Variants in LRGUK observed in about 807,000 individuals in gnomAD.
LRGUK encodes the protein leucine-rich repeat and guanylate kinase domain-containing protein.
Under a neutral mutation model 76.0 loss-of-function variants are expected in LRGUK, and 65 were observed. That is an observed-to-expected ratio of 0.85 (90% confidence interval 0.70 to 1.05). The LOEUF is 1.05. Among genes scored for constraint, LRGUK ranks in the 50% least tolerant of loss-of-function variants. The probability of loss-of-function intolerance (pLI) is 0.00; values close to 1 mark genes in which losing one functional copy is unlikely to be tolerated. For missense variants in LRGUK, 758 were observed against 732.8 expected, an observed-to-expected ratio of 1.03 and a Z score of -0.40; for synonymous variants, 268 against 265.6, an observed-to-expected ratio of 1.01 and a Z score of -0.09.
intron 5 of LRGUK, among the ~76,000 whole-genome samples, chr7:134,148,949 T>C (rs1798091743): frequency 6.6e-6 from 1 of 152,084 alleles, no homozygotes; most frequent in Non-Finnish European, 1.5e-5. Context: ...TCTTCAAATT[T>C]GCTGAAACTT....
At chr7:134,189,574 G>A (rs1315588519) in intron 11 of LRGUK, among the ~76,000 whole-genome samples, 1 of 152,136 alleles carries the variant, frequency 6.6e-6, no homozygotes, top group African/African-American at 2.4e-5. Flanking sequence ...GCTTCAAATT[G>A]CTCCTTTGTT....
chr7:134,161,387 T>A (rs1798724659), intron 6 of LRGUK, among the ~76,000 whole-genome samples: 1 of 152,102 alleles, frequency 6.6e-6, no homozygotes, highest in South Asian at 2.1e-4. Context: ...GAAATTTGAC[T>A]TTACTTTGGC....
chr7:134,266,107 C>T (rs1449908276), downstream of LRGUK, among the ~76,000 whole-genome samples: 3 of 152,026 alleles, frequency 2.0e-5, no homozygotes, highest in African/African-American at 7.2e-5. Flanking sequence ...ATCTGCCGGT[C>T]ATGAGTCAGT....
intron 5 of LRGUK, among the ~76,000 whole-genome samples, chr7:134,155,881 G>A (rs1333403986): frequency 6.6e-6 from 1 of 152,090 alleles, no homozygotes; most frequent in Non-Finnish European, 1.5e-5. Context: ...CTTCCTTCTT[G>A]CTTAAAAAAA....
chr7:134,187,612 T>A (rs184539800), intron 11 of LRGUK, among the ~76,000 whole-genome samples: 1 of 152,220 alleles, frequency 6.6e-6, no homozygotes, highest in Non-Finnish European at 1.5e-5. Context: ...TTTAGAAATA[T>A]GTTGAATGTT....
chr7:134,213,102 G>T (rs1354105935), downstream of LRGUK, among the ~76,000 whole-genome samples: 1 of 152,204 alleles, frequency 6.6e-6, no homozygotes, highest in African/African-American at 2.4e-5. Context: ...CCTAAGCAGA[G>T]GCACGCGCAG....
intron 3 of LRGUK, among the ~76,000 whole-genome samples, chr7:134,142,842 T>C (rs1797823218): frequency 6.6e-6 from 1 of 152,226 alleles, no homozygotes; most frequent in Non-Finnish European, 1.5e-5. Flanking sequence ...TGGCCACCCC[T>C]GGGGAAGAGG....
At chr7:134,247,775 A>C (rs1802344785) in intron 17 of LRGUK, 131 bp downstream of exon 17, 1 of 568,188 alleles carries the variant, frequency 1.8e-6, no homozygotes, top group Non-Finnish European at 3.0e-6. Flanking sequence ...CAGTAAAAGC[A>C]GTTCTAGAAG....
chr7:134,172,667 A>G (rs917579863), intron 7 of LRGUK, among the ~76,000 whole-genome samples: 5 of 152,178 alleles, frequency 3.3e-5, no homozygotes, highest in African/African-American at 1.2e-4. Flanking sequence ...TCCTCTTAAC[A>G]TTAGTGTTAG....
At chr7:134,181,680 A>T (rs993747122) in intron 10 of LRGUK, among the ~76,000 whole-genome samples, 2 of 152,030 alleles carry the variant, frequency 1.3e-5, no homozygotes, top group African/African-American at 2.4e-5. Flanking sequence ...TTTTGAAAAA[A>T]TATATTTTGA....
intron 5 of LRGUK, among the ~76,000 whole-genome samples, chr7:134,150,313 T>C (rs1242934403): frequency 6.7e-6 from 1 of 149,490 alleles, no homozygotes; most frequent in African/African-American, 2.5e-5. Context: ...AAAAAAAAAA[T>C]TAGCTGGGCC....
intron 10 of LRGUK, among the ~76,000 whole-genome samples, chr7:134,182,190 T>G (rs1799785235): frequency 6.6e-6 from 1 of 152,238 alleles, no homozygotes. Flanking sequence ...TAGTTCATTC[T>G]TTCTTATTGC....
exon 9 of LRGUK, chr7:134,177,027 A>G (rs1390794973): frequency 6.2e-7 from 1 of 1,602,708 alleles, no homozygotes; most frequent in Admixed American, 1.7e-5. Context: ...TGCGATTAAC[A>G]GAATTAGATC....
rs140329735 is a variant in LRGUK at position 134,183,765 on chromosome 7, A to G, written c.1246A>G (p.Met416Val). 102 of 1,613,954 alleles carry G rather than the reference A, an allele frequency of 6.3e-5. 1 individual carries two copies. The highest frequency in any genetic ancestry group is 8.4e-5 in the Non-Finnish European group (99 of 1,179,932). Residue 416 changes from methionine to valine, a missense_variant, in exon 11 of 16, where the codon ATG becomes GTG. Coordinates refer to ENST00000645682, the Ensembl canonical transcript of LRGUK. ...TCCCAGCCTGGATGCCCCTTATCCC[A>G]TGCTGATACTAGCTGGTCCTGAAGC...
exon 16 of LRGUK, chr7:134,209,900 C>T: frequency 2.5e-6 from 1 of 399,304 alleles, no homozygotes; most frequent in Non-Finnish European, 4.4e-6. Flanking sequence ...GAAAGTGAGG[C>T]TCCCTCGCAT....
chr7:134,225,039 T>G (rs1585578106), intron 16 of LRGUK, among the ~76,000 whole-genome samples: 2 of 131,198 alleles, frequency 1.5e-5, no homozygotes, highest in Admixed American at 9.0e-5. Context: ...GCAACAAGAG[T>G]GAAACTCCAT....
At position 134,258,329 on chromosome 7, in the gene LRGUK, C is replaced by T. The variant is rs747381921; in HGVS notation, c.2271C>T (p.Phe757=). ...GTCCGTGGTCAAAAGAATTGCCTTT[C>T]CAGCCTCCGGAGGGGAGCATTTCTT... Residue 757 remains phenylalanine, a synonymous_variant, in exon 19 of 20, where the codon TTC becomes TTT. Coordinates refer to the LRGUK transcript ENST00000285928. 48 of 1,613,950 alleles carry T rather than the reference C, an allele frequency of 3.0e-5. 1 individual carries two copies. The South Asian group carries it at 5.1e-4, about 17-fold the overall frequency.
chr7:134,197,217 TGAG>T lies in LRGUK; in HGVS notation c.1545+114_1545+116del, dbSNP rs1800529946. On this transcript the variant is annotated intron_variant, in intron 13 of 15. Coordinates refer to ENST00000645682, the Ensembl canonical transcript of LRGUK. ...TATAAACTTTTTACTGATACATAAT[TGAG>T]GTACATATATGGGGTACATGCGTTA... is the stretch of plus-strand genomic sequence containing the variant. 4.8e-5 allele frequency: 31 copies of T among 647,864 alleles called. No individual in the cohort carries two copies. The South Asian group carries it at 5.6e-4, about 12-fold the overall frequency. 40.1% of individuals were successfully genotyped at this position (647,864 alleles called of 1,614,324 possible).
chr7:134,222,757 C>A (rs542101256), intron 16 of LRGUK, among the ~76,000 whole-genome samples: 2 of 151,962 alleles, frequency 1.3e-5, no homozygotes, highest in Non-Finnish European at 2.9e-5. Flanking sequence ...TACAGGCATG[C>A]GCCACCATGC....
Sources: gnomAD v4.1 joint callset for allele counts (sites outside exome capture counted in the v4.1 genomes callset) on GRCh38, gnomAD v4.1.1 for gene constraint, MANE v1.5 for transcripts, NCBI Gene and HGNC (gene_info 2026-07-23, HGNC 2026-07-21) for gene names.